The following XPO6 variants were observed in gnomAD, a reference collection of about 807,000 sequenced individuals.
The protein encoded by XPO6 is exportin 6, also known as exportin-6.
In XPO6, 3 loss-of-function variants were observed where a neutral mutation model predicts 130.0. The ratio of observed to expected loss-of-function variants is 0.02; its 90% CI spans 0.01 to 0.06. The LOEUF is 0.06. XPO6 is among the 10% of genes least tolerant of loss of function. The pLI is 1.00. For missense variants in XPO6, 970 were observed against 1,393.0 expected (o/e 0.70, Z 4.83); for synonymous variants, 524 against 548.9 (o/e 0.95, Z 0.63).
chr16:28,139,446 G>A (rs2042844282), intron 9 of XPO6, among the ~76,000 whole-genome samples: 1 of 152,184 alleles, frequency 6.6e-6, no homozygotes, highest in South Asian at 2.1e-4. Flanking sequence ...ATATGAGAAA[G>A]AAACCTGGAA....
chr16:28,141,968 G>A (rs572315598), intron 9 of XPO6, among the ~76,000 whole-genome samples: 1 of 152,340 alleles, frequency 6.6e-6, no homozygotes, highest in African/African-American at 2.4e-5. Context: ...CAATTTCCAA[G>A]CTCCTAGGAC....
intron 4 of XPO6, among the ~76,000 whole-genome samples, chr16:28,173,622 T>G (rs907113820): frequency 6.6e-6 from 1 of 152,064 alleles, no homozygotes; most frequent in East Asian, 1.9e-4. Flanking sequence ...TTACACAAAG[T>G]TGGGTGCAGA....
At chr16:28,162,693 GCTGGGA>G (rs2043295610) in intron 6 of XPO6, among the ~76,000 whole-genome samples, 1 of 151,200 alleles carries the variant, frequency 6.6e-6, no homozygotes, top group African/African-American at 2.4e-5. Flanking sequence ...CTCCCAAGTA[GCTGGGA>G]CTACAGGCAG....
intron 4 of XPO6, chr16:28,173,177 T>C (rs1264847775): frequency 1.3e-5 from 2 of 152,186 alleles, no homozygotes; most frequent in East Asian, 1.9e-4. Flanking sequence ...CATCCATGAA[T>C]TGTGATATCC....
intron 2 of XPO6, among the ~76,000 whole-genome samples, chr16:28,179,922 G>A (rs1423724726): frequency 6.6e-6 from 1 of 152,168 alleles, no homozygotes; most frequent in African/African-American, 2.4e-5. Context: ...GATCAGATTA[G>A]AATATGAACA....
intron 23 of XPO6, among the ~76,000 whole-genome samples, chr16:28,100,825 T>C (rs541513498): frequency 2.0e-5 from 3 of 152,282 alleles, no homozygotes; most frequent in East Asian, 3.9e-4. Flanking sequence ...GATGGCCTCA[T>C]GGACACCAAG....
At position 28,180,481 on chromosome 16, in the gene XPO6, AC is replaced by A. The variant is rs199892736; in HGVS notation, c.94+459del. Among the ~76,000 whole-genome samples the A allele has an allele frequency of 1.1e-3, 160 of 152,322 alleles. 1 individual carries two copies. The East Asian group carries it at 0.027, about 25-fold the overall frequency. On this transcript the variant is annotated intron_variant, in intron 2 of 23. Transcript: ENST00000304658. ...CTGGGCACTATTAGGTTCAGATCAG[AC>A]GTCTGCACAGCAAAACATGTTCATT...
chr16:28,099,771 G>A (rs2141223339), intron 23 of XPO6, among the ~76,000 whole-genome samples: 1 of 152,334 alleles, frequency 6.6e-6, no homozygotes, highest in Middle Eastern at 3.4e-3. Context: ...TGGGACTGGT[G>A]CCCCAGTTCC....
At chr16:28,203,973 C>T (rs1284390391) in intron 1 of XPO6, among the ~76,000 whole-genome samples, 2 of 152,196 alleles carry the variant, frequency 1.3e-5, no homozygotes, top group Non-Finnish European at 2.9e-5. Flanking sequence ...TAGCCACAAA[C>T]TACCTTGATA....
At position 28,101,918 on chromosome 16, in the gene XPO6, C is replaced by A. The variant is rs775522622; in HGVS notation, c.2974G>T (p.Asp992Tyr). 2 of 1,613,924 alleles carry A rather than the reference C, an allele frequency of 1.2e-6. No individual in the cohort carries two copies. Among genetic ancestry groups the A allele is most frequent in the South Asian group, 2.2e-5 (2 of 91,042 alleles). ...AGATTTTGTTTAAAAAGGTGGATGT[C>A]GGGCTGGAGAAAGGACTGTCCGAAA... is the stretch of plus-strand genomic sequence containing the variant. The part of the protein sequence containing the change: ...QAFGQSFLQP[D>Y]IHLFKQNLFY... The change falls in exon 22 of 24, where the codon GAC (aspartate) becomes TAC (tyrosine). Residue 992 changes from aspartate (D) to tyrosine (Y), a missense_variant. By Grantham distance (160) the Asp-to-Tyr change is radical (BLOSUM62 -3). Transcript: ENST00000304658. This position sits in a 1 kb window ranked among gnomAD's most constrained non-coding sequence, Gnocchi z 5.4.
intron 6 of XPO6, among the ~76,000 whole-genome samples, chr16:28,161,125 TATTAG>T (rs1596907452): frequency 6.6e-6 from 1 of 152,224 alleles, no homozygotes; most frequent in East Asian, 1.9e-4. Flanking sequence ...TATTCTATCA[TATTAG>T]ATTAAAGTCT....
intron 1 of XPO6, chr16:28,183,398 C>G (rs1241414559): frequency 6.6e-6 from 1 of 150,788 alleles, no homozygotes; most frequent in Non-Finnish European, 1.5e-5. Flanking sequence ...TACTCTTTCC[C>G]CCGTTCTCAC....
At chr16:28,190,975 T>C (rs2043778253) in intron 1 of XPO6, among the ~76,000 whole-genome samples, 1 of 152,236 alleles carries the variant, frequency 6.6e-6, no homozygotes, top group Admixed American at 6.5e-5. Flanking sequence ...TTGTATAACT[T>C]ATTCCTTGAA....
chr16:28,138,328 A>G (rs1332637125), intron 9 of XPO6, among the ~76,000 whole-genome samples: 2 of 152,208 alleles, frequency 1.3e-5, no homozygotes, highest in African/African-American at 2.4e-5. Flanking sequence ...AATCTACTTC[A>G]GACCAGAGGA....
chr16:28,198,969 C>T (rs969280105), intron 1 of XPO6, among the ~76,000 whole-genome samples: 3 of 152,060 alleles, frequency 2.0e-5, no homozygotes, highest in African/African-American at 7.2e-5. Context: ...CCTGGTGAAA[C>T]CCCATCTCTA....
chr16:28,177,934 G>A (rs930263534), intron 2 of XPO6, among the ~76,000 whole-genome samples: 1 of 152,186 alleles, frequency 6.6e-6, no homozygotes, highest in South Asian at 2.1e-4. Context: ...CAACGATGAC[G>A]AGTGTTGCGG....
chr16:28,195,798 GCCTGGGGAT>G (rs1172227064), intron 1 of XPO6, among the ~76,000 whole-genome samples: 2 of 152,090 alleles, frequency 1.3e-5, no homozygotes, highest in Non-Finnish European at 2.9e-5. Context: ...AGAAAGAGAT[GCCTGGGGAT>G]CCTCTCTGCT....
intron 21 of XPO6, among the ~76,000 whole-genome samples, chr16:28,103,939 A>C (rs1393832256): frequency 1.3e-5 from 2 of 152,240 alleles, no homozygotes; most frequent in Non-Finnish European, 2.9e-5. Flanking sequence ...TCAGATGAGA[A>C]CGTCAGACAC....
intron 4 of XPO6, among the ~76,000 whole-genome samples, chr16:28,171,560 A>G (rs2141854560): frequency 6.6e-6 from 1 of 152,300 alleles, no homozygotes; most frequent in Non-Finnish European, 1.5e-5. Context: ...CCCCTAAAGA[A>G]CAGGACAAGT....
Sources: gnomAD v4.1 joint callset for allele counts (sites outside exome capture counted in the v4.1 genomes callset) on GRCh38, gnomAD v4.1.1 for gene constraint, Gnocchi (gnomAD v3.1) non-coding constraint, MANE v1.5 for transcripts, NCBI Gene and HGNC (gene_info 2026-07-23, HGNC 2026-07-21) for gene names.